SMOC2: variants seen among roughly 807,000 people sequenced by gnomAD.
SMOC2 encodes SPARC-related modular calcium-binding protein 2.
A neutral mutation model predicts 61.4 loss-of-function variants in SMOC2; 39 were observed. The ratio of observed to expected loss-of-function variants is 0.64; its 90% CI spans 0.49 to 0.83. The LOEUF (loss-of-function observed/expected upper bound fraction) is 0.83. Among genes scored for constraint, SMOC2 ranks in the 40% least tolerant of loss-of-function variants. SMOC2 has a pLI of 0.00. For missense variants in SMOC2, 556 were observed against 592.9 expected, an observed-to-expected ratio of 0.94 and a Z score of 0.65; for synonymous variants, 247 against 239.9, an observed-to-expected ratio of 1.03 and a Z score of -0.27.
rs377633120 is a variant in SMOC2, at chr6:168,457,476, G to A, written c.84+16022G>A. On this transcript the variant is annotated intron_variant, in intron 1 of 12. Coordinates refer to ENST00000356284, the MANE Select transcript of SMOC2 (RefSeq NM_001166412.2). Reference sequence around the variant, plus strand: ...ACTTCATCGCCTTGTGTTTCCCGTCGGGTGCCCAGTAATCACAAAGTGGCC... The same window carrying A: ...ACTTCATCGCCTTGTGTTTCCCGTCAGGTGCCCAGTAATCACAAAGTGGCC... Among the ~76,000 whole-genome samples, 21 of 152,278 alleles carry A rather than the reference G, an allele frequency of 1.4e-4. No individual in the cohort carries two copies. In the East Asian group the frequency reaches 2.3e-3, roughly 17 times the overall value.
At chr6:168,610,955 G>C (rs368811974) in intron 9 of SMOC2, among the ~76,000 whole-genome samples, 38,654 of 151,406 alleles carry the variant, frequency 0.26, 5,039 homozygotes, top group Non-Finnish European at 0.27. Context: ...TCCTAAACCA[G>C]ATCTTCTTAA....
chr6:168,658,328 C>T (rs1787378929), intron 11 of SMOC2, among the ~76,000 whole-genome samples: 1 of 152,318 alleles, frequency 6.6e-6, no homozygotes, highest in South Asian at 2.1e-4. Flanking sequence ...CCAGTCTCTG[C>T]ATTTCTGTAG....
At chr6:168,490,842 C>G (rs187612732) in intron 1 of SMOC2, among the ~76,000 whole-genome samples, 101 of 152,324 alleles carry the variant, frequency 6.6e-4, no homozygotes, top group African/African-American at 2.4e-3. Flanking sequence ...GATTCCCGCT[C>G]AGCACTGAGT....
intron 1 of SMOC2, among the ~76,000 whole-genome samples, chr6:168,495,980 C>T (rs892945601): frequency 6.6e-6 from 1 of 152,246 alleles, no homozygotes; most frequent in Non-Finnish European, 1.5e-5. Context: ...CTCGCCTCCT[C>T]GCTCTTTTCT....
intron 9 of SMOC2, among the ~76,000 whole-genome samples, chr6:168,646,924 A>G (rs555392194): frequency 1.3e-5 from 2 of 152,356 alleles, no homozygotes; most frequent in South Asian, 4.1e-4. Context: ...CACAGATTGG[A>G]TATAAATTGG....
intron 7 of SMOC2, among the ~76,000 whole-genome samples, chr6:168,550,859 C>T (rs1784115495): frequency 6.6e-6 from 1 of 152,086 alleles, no homozygotes; most frequent in Non-Finnish European, 1.5e-5. Flanking sequence ...TTTGTCACCC[C>T]ATTTAAAAAA....
chr6:168,662,015 G>A (rs753811104), intron 11 of SMOC2, among the ~76,000 whole-genome samples: 25 of 152,260 alleles, frequency 1.6e-4, no homozygotes, highest in Non-Finnish European at 3.1e-4. Flanking sequence ...TTCTATTTGC[G>A]TTATGGCAAG....
intron 1 of SMOC2, among the ~76,000 whole-genome samples, chr6:168,443,741 A>C (rs1348438819): frequency 2.0e-5 from 3 of 152,142 alleles, no homozygotes; most frequent in Non-Finnish European, 4.4e-5. Flanking sequence ...GCCCTCATTC[A>C]AAGAAGGGCC....
chr6:168,650,484 C>T (rs1450214245), intron 9 of SMOC2, among the ~76,000 whole-genome samples, 197 bp from the exon 10 acceptor site: 1 of 152,118 alleles, frequency 6.6e-6, no homozygotes, highest in Non-Finnish European at 1.5e-5. Context: ...ATAATTCAAA[C>T]AATAGAGGAA....
chr6:168,458,466 G>A (rs542248956), intron 1 of SMOC2, among the ~76,000 whole-genome samples: 7 of 152,336 alleles, frequency 4.6e-5, no homozygotes, highest in Admixed American at 3.9e-4. Context: ...CCATGGGTTT[G>A]GACCAGCTTC....
intron 9 of SMOC2, among the ~76,000 whole-genome samples, chr6:168,635,150 T>C (rs1236460527): frequency 6.6e-6 from 1 of 152,146 alleles, no homozygotes; most frequent in Non-Finnish European, 1.5e-5. Context: ...TCAGAGCTAT[T>C]TTATGGGGTT....
intron 1 of SMOC2, among the ~76,000 whole-genome samples, chr6:168,457,969 C>T (rs1178806747): frequency 1.3e-5 from 2 of 152,178 alleles, no homozygotes; most frequent in African/African-American, 4.8e-5. Flanking sequence ...GTCTTTCCCA[C>T]CTGCCACAAA....
At chr6:168,527,752 T>C in intron 4 of SMOC2, 25 bp downstream of exon 4, 2 of 1,446,648 alleles carry the variant, frequency 1.4e-6, no homozygotes, top group Non-Finnish European at 1.9e-6. Flanking sequence ...CCTTTCCAAG[T>C]GGAAGGCTTG....
intron 1 of SMOC2, among the ~76,000 whole-genome samples, chr6:168,501,451 T>C (rs568355878): frequency 6.6e-5 from 10 of 151,584 alleles, no homozygotes; most frequent in East Asian, 1.9e-4. Context: ...TCCCTCGCTA[T>C]GGGGCCAGGA....
At chr6:168,604,533 C>T (rs930388032) in intron 8 of SMOC2, among the ~76,000 whole-genome samples, 3 of 152,106 alleles carry the variant, frequency 2.0e-5, no homozygotes, top group African/African-American at 4.8e-5. Context: ...TCCCTCAGCG[C>T]AATTTTCTTA....
In SMOC2 at chr6:168,547,265, C is replaced by T. The variant is rs1470671007; in HGVS notation, c.562+96C>T. 8.1e-5 allele frequency: 84 copies of T among 1,038,510 alleles called. 1 individual carries two copies. Among genetic ancestry groups the T allele is most frequent in the Non-Finnish European group, 1.1e-4 (75 of 666,166 alleles). The allele number at this position is 1,038,510 out of a possible 1,614,324, so 64.3% of individuals were successfully genotyped here. A position where few individuals can be genotyped will look rare whatever the true frequency, so the allele number is the denominator to read the frequency against. ...GGAGCGAGTCATCTTGTTAGAGCTCCGTTCAGTATGGAGTGTAACATGCCA... is the reference window on the plus strand; with the variant it reads ...GGAGCGAGTCATCTTGTTAGAGCTCTGTTCAGTATGGAGTGTAACATGCCA... On this transcript the variant is annotated intron_variant, in intron 6 of 12. Transcript: ENST00000356284.
chr6:168,602,337 G>C (rs573162878), intron 8 of SMOC2, among the ~76,000 whole-genome samples: 1 of 152,156 alleles, frequency 6.6e-6, no homozygotes, highest in African/African-American at 2.4e-5. Flanking sequence ...TGTTGTTTTG[G>C]TCTGTTCTGC....
At chr6:168,538,340 G>A (rs1783790878) in intron 4 of SMOC2, among the ~76,000 whole-genome samples, 1 of 134,476 alleles carries the variant, frequency 7.4e-6, no homozygotes, top group Non-Finnish European at 1.6e-5. Flanking sequence ...GGTGACCGCT[G>A]CTGGAATGTG....
intron 10 of SMOC2, among the ~76,000 whole-genome samples, chr6:168,651,059 C>A (rs571740030): frequency 6.6e-6 from 1 of 152,198 alleles, no homozygotes; most frequent in African/African-American, 2.4e-5. Flanking sequence ...CCTTTTGGTG[C>A]GGAGCAGGGC....
Sources: gnomAD v4.1 joint callset for allele counts (sites outside exome capture counted in the v4.1 genomes callset) on GRCh38, gnomAD v4.1.1 for gene constraint, MANE v1.5 for transcripts, NCBI Gene and HGNC (gene_info 2026-07-23, HGNC 2026-07-21) for gene names.